OAS3: variants seen among roughly 807,000 people sequenced by gnomAD.
OAS3 encodes 2'-5'-oligoadenylate synthetase 3, also known as 2'-5'-oligoadenylate synthase 3.
In OAS3, 107 loss-of-function variants were observed where a neutral mutation model predicts 113.0. The ratio of observed to expected loss-of-function variants is 0.95; its 90% CI spans 0.81 to 1.11. The LOEUF (loss-of-function observed/expected upper bound fraction) is 1.11, where lower values mean the gene tolerates loss of function less well. Among genes scored for constraint, OAS3 ranks in the 50% most tolerant of loss-of-function variants. The probability of loss-of-function intolerance (pLI) is 0.00; values close to 1 mark genes in which losing one functional copy is unlikely to be tolerated. For synonymous variants in OAS3, 552 were observed against 573.6 expected (o/e 0.96, Z 0.54); for missense variants, 1,258 against 1,389.1 (o/e 0.91, Z 1.50).
intron 7 of OAS3, among the ~76,000 whole-genome samples, chr12:112,960,292 T>A (rs2043870552): frequency 6.6e-6 from 1 of 152,140 alleles, no homozygotes; most frequent in Non-Finnish European, 1.5e-5. Context: ...CACATCCACA[T>A]CTAGCACAGG....
intron 2 of OAS3, among the ~76,000 whole-genome samples, chr12:112,943,307 T>C (rs2043697059): frequency 1.3e-5 from 2 of 152,194 alleles, no homozygotes; most frequent in Admixed American, 1.3e-4. Flanking sequence ...TTGACATGTT[T>C]TATCTCATCA....
chr12:112,946,711 CTTCT>C (rs1333959979), intron 3 of OAS3, 28 bp from the exon 4 acceptor site: 1 of 1,561,634 alleles, frequency 6.4e-7, no homozygotes, highest in Non-Finnish European at 8.7e-7. Context: ...CCCCTTCTTC[CTTCT>C]GAGTCCCCTG....
At chr12:112,946,037 G>C (rs1357816687) in intron 3 of OAS3, among the ~76,000 whole-genome samples, 1 of 152,082 alleles carries the variant, frequency 6.6e-6, no homozygotes, top group Non-Finnish European at 1.5e-5. Context: ...AGCCTGGTTG[G>C]GCGTTAGAAA....
rs749791204 is a variant in OAS3 at position 112,944,548 on chromosome 12, G to C, written c.533G>C (p.Gly178Ala). The change falls in exon 3 of 16, where the codon GGC becomes GCC. Residue 178 changes from glycine to alanine, a missense_variant. Coordinates refer to ENST00000228928, the MANE Select transcript of OAS3 (RefSeq NM_006187.4). ...CTCCTCAACAGTGGCTGCCAAGGGGGCGAGCATGCGGCCTGCTTCACAGAG... is the reference window on the plus strand; with the variant it reads ...CTCCTCAACAGTGGCTGCCAAGGGGCCGAGCATGCGGCCTGCTTCACAGAG... ...STLLNSGCQG[G>A]EHAACFTELR... 2 of 1,614,064 alleles carry C rather than the reference G, an allele frequency of 1.2e-6. No individual in the cohort carries two copies. The highest frequency in any genetic ancestry group is 4.5e-5 in the East Asian group (2 of 44,888).
intron 3 of OAS3, chr12:112,945,130 G>A (rs1018051994): frequency 7.2e-5 from 16 of 222,644 alleles, no homozygotes; most frequent in Non-Finnish European, 1.4e-4. Flanking sequence ...TGGCCAACAT[G>A]GTGAAACCCT....
In OAS3 at chr12:112,962,756, G is replaced by C; in HGVS notation, c.1938G>C (p.Gln646His). 6.2e-7 allele frequency: 1 copy of C among 1,614,014 alleles called. No homozygotes were observed. The highest frequency in any genetic ancestry group is 8.5e-7 in the Non-Finnish European group (1 of 1,179,898). The change falls in exon 9 of 16, where the codon CAG becomes CAC. Residue 646 changes from glutamine (Q) to histidine (H), a missense_variant. Transcript: ENST00000228928. The part of the protein sequence containing the change: ...TIFAWEQGCR[Q>H]DCFNMAQGFR... ...TTGCCTGGGAGCAGGGCTGCAGGCA[G>C]GATTGTTTCAACATGGCCCAAGGCT...
In OAS3 at chr12:112,963,234, G is replaced by T. The variant is rs775554623; in HGVS notation, c.2085-79G>T. 3.0e-4 allele frequency: 432 copies of T among 1,435,448 alleles called. 1 individual carries two copies. The highest frequency in any genetic ancestry group is 3.9e-4 in the Non-Finnish European group (420 of 1,075,416). 88.9% of individuals were successfully genotyped at this position (1,435,448 alleles called of 1,614,324 possible). On this transcript the variant is annotated intron_variant, in intron 9 of 15. Coordinates refer to ENST00000228928, the MANE Select transcript of OAS3 (RefSeq NM_006187.4). This position sits in a 1 kb window ranked among gnomAD's most constrained non-coding sequence, Gnocchi z 4.6. ...TCCTGACACTCTTTCCAGCCCTCAC[G>T]CCCCTTTTCAGCCCTTCCACCCGCC...
At position 112,946,864 on chromosome 12, in the gene OAS3, G is replaced by C. The variant is rs764044255; in HGVS notation, c.758G>C (p.Arg253Pro). ...GCTTTCAGCCTAGCCGAAGGCCTCC[G>C]AACTGTCCTGGGCCTGATCCAACAG... ...KDAFSLAEGLRTVLGLIQQHQ... is the reference protein window; with the variant it reads ...KDAFSLAEGLPTVLGLIQQHQ... The change falls in exon 4 of 16, where the codon CGA (arginine) becomes CCA (proline). Residue 253 changes from arginine to proline, a missense_variant. By Grantham distance (103) the Arg-to-Pro change is moderately radical. Transcript: ENST00000228928. 2.5e-6 allele frequency: 4 copies of C among 1,613,906 alleles called. No individual in the cohort carries two copies.
chr12:112,946,550 C>G (rs2043731084), intron 3 of OAS3, among the ~76,000 whole-genome samples, 193 bp from the exon 4 acceptor site: 1 of 151,894 alleles, frequency 6.6e-6, no homozygotes, highest in Admixed American at 6.5e-5. Flanking sequence ...ACTCCCCCAT[C>G]ATATGAGCCA....
At position 112,941,772 on chromosome 12, in the gene OAS3, G is replaced by C. The variant is rs1422411075; in HGVS notation, c.380G>C (p.Gly127Ala). The C allele has an allele frequency of 6.2e-7, 1 of 1,614,022 alleles. No individual in the cohort carries two copies. Among genetic ancestry groups the C allele is most frequent in the East Asian group, 2.2e-5 (1 of 44,886 alleles). Residue 127 changes from glycine to alanine, a missense_variant, in exon 2 of 16, where the codon GGG becomes GCG. Gly to Ala is a moderately conservative substitution (Grantham distance 60, BLOSUM62 0). Transcript: ENST00000228928. Reference protein sequence around the residue: ...RLTFPEQSVPGALQFRLTSVD... With the variant: ...RLTFPEQSVPAALQFRLTSVD... ...ACGTTTCCTGAGCAGAGCGTGCCTG[G>C]GGCCCTGCAGTTCCGCCTGACATCC...
At chr12:112,941,459 A>T in intron 1 of OAS3, 111 bp from the exon 2 acceptor site, 2 of 1,200,088 alleles carry the variant, frequency 1.7e-6, no homozygotes, top group Admixed American at 2.1e-5. Context: ...GCCTACAGCC[A>T]TGTGGCCACA....
intron 8 of OAS3, among the ~76,000 whole-genome samples, chr12:112,961,723 T>C (rs2043888168): frequency 6.6e-6 from 1 of 151,964 alleles, no homozygotes. Context: ...CCTTATGGGC[T>C]TCTGGATCAA....
chr12:112,964,730 T>A (rs1343541773), intron 11 of OAS3, among the ~76,000 whole-genome samples: 1 of 151,880 alleles, frequency 6.6e-6, no homozygotes, highest in Non-Finnish European at 1.5e-5. Context: ...CAGGACTCAG[T>A]TTTTCTCTCC....
At chr12:112,965,683 T>G in intron 11 of OAS3, 61 bp from the exon 12 acceptor site, 2 of 1,510,950 alleles carry the variant, frequency 1.3e-6, no homozygotes, top group Non-Finnish European at 1.8e-6. Flanking sequence ...TAACTCACAG[T>G]CCAGAACCGA....
chr12:112,950,682 T>G lies in OAS3; in HGVS notation c.1375-11T>G. 6.2e-7 allele frequency: 1 copy of G among 1,613,658 alleles called. No homozygotes were observed. Among genetic ancestry groups the G allele is most frequent in the Non-Finnish European group, 8.5e-7 (1 of 1,179,672 alleles). On this transcript the variant is annotated splice_polypyrimidine_tract_variant and intron_variant, in intron 6 of 15. Coordinates refer to ENST00000228928, the MANE Select transcript of OAS3 (RefSeq NM_006187.4). ...GAGGGTCCCTGATCTGAGCTGTTCT[T>G]CCCTCCACAGGGGGGCTCATTTGGC...
intron 7 of OAS3, among the ~76,000 whole-genome samples, chr12:112,953,462 C>T (rs945194072): frequency 1.3e-5 from 2 of 152,228 alleles, no homozygotes. Context: ...GTGCATGTGT[C>T]TTTCTAGCAG....
At chr12:112,965,629 CAG>C in intron 11 of OAS3, 113 bp from the exon 12 acceptor site, 1 of 872,534 alleles carries the variant, frequency 1.1e-6, no homozygotes, top group Non-Finnish European at 1.7e-6. Context: ...AGATCTAACA[CAG>C]AGAGGTTAGA....
chr12:112,948,119 G>A lies in OAS3; in HGVS notation c.1029+20G>A. 1 of 1,500,390 alleles carries A rather than the reference G, an allele frequency of 6.7e-7. No individual in the cohort carries two copies. Among genetic ancestry groups the A allele is most frequent in the Non-Finnish European group, 8.9e-7 (1 of 1,126,028 alleles). The allele number at this position is 1,500,390 out of a possible 1,614,324, so 92.9% of individuals were successfully genotyped here. Reference sequence around the variant, plus strand: ...GGGCCGGTAAGTGAGGGGGCCCCAGGACCCTTGGGTTTTGCACTTTGTTTA... The same window carrying A: ...GGGCCGGTAAGTGAGGGGGCCCCAGAACCCTTGGGTTTTGCACTTTGTTTA... On this transcript the variant is annotated intron_variant, in intron 5 of 15. Coordinates refer to ENST00000228928, the MANE Select transcript of OAS3 (RefSeq NM_006187.4).
chr12:112,949,643 TCTCTCTCG>T (rs1022977238), intron 6 of OAS3, among the ~76,000 whole-genome samples: 3 of 152,194 alleles, frequency 2.0e-5, no homozygotes, highest in Non-Finnish European at 4.4e-5. Context: ...TTTGGCTCTC[TCTCTCTCG>T]CTCTCTCTGT....
Sources: allele counts gnomAD v4.1 joint callset (sites outside exome capture counted in the v4.1 genomes callset), GRCh38; gene constraint gnomAD v4.1.1; non-coding constraint Gnocchi (gnomAD v3.1); transcripts MANE v1.5; gene names NCBI Gene and HGNC (gene_info 2026-07-23, HGNC 2026-07-21).